KCND3: variants seen among roughly 807,000 people sequenced by gnomAD.
The protein encoded by KCND3 is A-type voltage-gated potassium channel KCND3.
A neutral mutation model predicts 51.1 loss-of-function variants in KCND3; 9 were observed. That is an observed-to-expected ratio of 0.18 (90% CI 0.11 to 0.31). KCND3 has a LOEUF of 0.31. KCND3 is among the 10% of genes least tolerant of loss of function. KCND3 has a pLI of 1.00. For missense variants in KCND3, 526 were observed against 903.8 expected (o/e 0.58, Z 5.36); for synonymous variants, 349 against 368.0 (o/e 0.95, Z 0.59).
intron 2 of KCND3, among the ~76,000 whole-genome samples, chr1:111,832,007 A>T (rs1666852579): frequency 6.6e-6 from 1 of 152,156 alleles, no homozygotes; most frequent in African/African-American, 2.4e-5. Flanking sequence ...CTGAACTGGG[A>T]TCCTCAATGG....
chr1:111,898,638 T>C (rs1442495932), intron 2 of KCND3, among the ~76,000 whole-genome samples: 2 of 152,212 alleles, frequency 1.3e-5, no homozygotes, highest in Non-Finnish European at 2.9e-5. Context: ...TGTTTACTGT[T>C]ATTTACTGAG....
chr1:111,985,859 G>A (rs955139745), intron 1 of KCND3, among the ~76,000 whole-genome samples: 6 of 152,168 alleles, frequency 3.9e-5, no homozygotes, highest in South Asian at 2.1e-4. Context: ...GACATTTCCC[G>A]TAAGCGTCAC....
At chr1:111,911,869 A>AC (rs1455555167) in intron 2 of KCND3, among the ~76,000 whole-genome samples, 1 of 152,126 alleles carries the variant, frequency 6.6e-6, no homozygotes, top group African/African-American at 2.4e-5. Context: ...CAAATGAGAG[A>AC]CCCCTACAAT....
At chr1:111,900,110 A>T (rs1156775601) in intron 2 of KCND3, among the ~76,000 whole-genome samples, 7 of 152,094 alleles carry the variant, frequency 4.6e-5, no homozygotes, top group Non-Finnish European at 8.8e-5. Context: ...TAGCCATTAC[A>T]TATATACAGA....
chr1:111,861,814 C>T (rs1466856898), intron 2 of KCND3, among the ~76,000 whole-genome samples: 19 of 152,196 alleles, frequency 1.2e-4, no homozygotes, highest in Admixed American at 1.2e-3. Context: ...CTTCCTTATG[C>T]CATCTATCAG....
Position 111,929,592 on chromosome 1 carries a change from C to G in KCND3, c.1106+52029G>C, listed in dbSNP as rs371842861. On this transcript the variant is annotated intron_variant, in intron 2 of 7. Coordinates refer to ENST00000302127, the MANE Select transcript of KCND3 (RefSeq NM_001378969.1). ...CTTCTCACCTCTGAGTAAGCACCTTCTCCCATAGTACCAGAAAGTGGAGTG... is the reference window on the plus strand; with the variant it reads ...CTTCTCACCTCTGAGTAAGCACCTTGTCCCATAGTACCAGAAAGTGGAGTG... 5.3e-5 allele frequency among the ~76,000 whole-genome samples: 8 copies of G among 152,344 alleles called. No individual in the cohort carries two copies. The East Asian group carries it at 1.2e-3, about 22-fold the overall frequency.
intron 2 of KCND3, among the ~76,000 whole-genome samples, chr1:111,908,458 G>C (rs1670756770): frequency 6.6e-6 from 1 of 152,214 alleles, no homozygotes; most frequent in Non-Finnish European, 1.5e-5. Context: ...TTGTAAGCTA[G>C]TAGGTGGCAG....
intron 2 of KCND3, among the ~76,000 whole-genome samples, chr1:111,903,363 A>AT (rs1191775805): frequency 6.6e-6 from 1 of 152,148 alleles, no homozygotes; most frequent in East Asian, 1.9e-4. Context: ...GGGAGGGAAG[A>AT]TTTTCCAAAT....
intron 2 of KCND3, among the ~76,000 whole-genome samples, chr1:111,963,611 C>T (rs1004765694): frequency 2.0e-5 from 3 of 152,286 alleles, no homozygotes; most frequent in African/African-American, 7.2e-5. Context: ...TGCCAAGGTC[C>T]CAATTGTCAA....
At chr1:111,973,782 C>T (rs1674473304) in intron 2 of KCND3, among the ~76,000 whole-genome samples, 1 of 152,158 alleles carries the variant, frequency 6.6e-6, no homozygotes, top group Non-Finnish European at 1.5e-5. Context: ...TTTGATTGGA[C>T]TTTCTGTATA....
At chr1:111,939,455 C>T (rs1171107152) in intron 2 of KCND3, among the ~76,000 whole-genome samples, 2 of 152,140 alleles carry the variant, frequency 1.3e-5, no homozygotes, top group African/African-American at 4.8e-5. Flanking sequence ...GTTCAACTCC[C>T]ACTTATGAGT....
At chr1:111,838,186 T>C (rs1667154032) in intron 2 of KCND3, among the ~76,000 whole-genome samples, 1 of 152,180 alleles carries the variant, frequency 6.6e-6, no homozygotes, top group Non-Finnish European at 1.5e-5. Flanking sequence ...TCCAGCTCCT[T>C]GAGGGTGGGA....
At position 111,804,848 on chromosome 1, in the gene KCND3, T is replaced by C. The variant is rs181169641; in HGVS notation, c.1107-17742A>G. Among the ~76,000 whole-genome samples, 7 of 152,326 alleles carry C rather than the reference T, an allele frequency of 4.6e-5. No individual in the cohort carries two copies. The East Asian group carries it at 1.4e-3, about 29-fold the overall frequency. ...TAATTAACAGTACAGCTGAAGTTGG[T>C]GCCCGGGCGGTCTGCCTCAGGCGCC... On this transcript the variant is annotated intron_variant, in intron 2 of 7. Transcript: ENST00000302127.
intron 2 of KCND3, among the ~76,000 whole-genome samples, chr1:111,920,111 C>A (rs545537046): frequency 6.6e-6 from 1 of 152,318 alleles, no homozygotes; most frequent in African/African-American, 2.4e-5. Flanking sequence ...GGGAGAGAAC[C>A]CCACCTGGCC....
intron 2 of KCND3, among the ~76,000 whole-genome samples, chr1:111,862,856 A>C (rs917823017): frequency 1.3e-5 from 2 of 152,184 alleles, no homozygotes; most frequent in African/African-American, 4.8e-5. Flanking sequence ...GTTAACCTTC[A>C]CTAAATCCTG....
intron 2 of KCND3, among the ~76,000 whole-genome samples, chr1:111,879,836 C>T (rs1264431686): frequency 6.6e-6 from 1 of 152,116 alleles, no homozygotes; most frequent in African/African-American, 2.4e-5. Flanking sequence ...TAGGTGCATC[C>T]AGGACAGGCT....
At chr1:111,810,016 G>A (rs1571674256) in intron 2 of KCND3, among the ~76,000 whole-genome samples, 1 of 152,188 alleles carries the variant, frequency 6.6e-6, no homozygotes, top group Non-Finnish European at 1.5e-5. Context: ...CTGCTTCCTG[G>A]TCCAGCATCA....
intron 3 of KCND3, among the ~76,000 whole-genome samples, chr1:111,782,059 C>T (rs1043727574): frequency 6.6e-6 from 1 of 152,168 alleles, no homozygotes; most frequent in African/African-American, 2.4e-5. Flanking sequence ...GAAGGTCCCT[C>T]CTCCTGGCTC....
At chr1:111,851,032 A>G (rs994556414) in intron 2 of KCND3, among the ~76,000 whole-genome samples, 1 of 152,158 alleles carries the variant, frequency 6.6e-6, no homozygotes, top group African/African-American at 2.4e-5. Flanking sequence ...TAATGTCCTT[A>G]GAATCATTCC....
Sources: allele counts gnomAD v4.1 joint callset (sites outside exome capture counted in the v4.1 genomes callset), GRCh38; gene constraint gnomAD v4.1.1; transcripts MANE v1.5; gene names NCBI Gene and HGNC (gene_info 2026-07-23, HGNC 2026-07-21).